Variants in TMTC2 observed in about 807,000 individuals in gnomAD.
TMTC2 encodes transmembrane O-mannosyltransferase targeting cadherins 2.
Under a neutral mutation model 82.4 loss-of-function variants are expected in TMTC2, and 43 were observed. That is an observed-to-expected ratio of 0.52 (90% confidence interval 0.41 to 0.67). TMTC2 has a LOEUF of 0.67. Ranked by LOEUF, TMTC2 falls within the 30% of genes least tolerant of loss-of-function variation. The probability of loss-of-function intolerance (pLI) is 0.00; values close to 1 mark genes in which losing one functional copy is unlikely to be tolerated. For synonymous variants in TMTC2, 408 were observed against 381.9 expected (o/e 1.07, Z -0.80); for missense variants, 919 against 1,012.4 (o/e 0.91, Z 1.25).
intron 8 of TMTC2, among the ~76,000 whole-genome samples, chr12:83,004,260 A>G (rs887947943): frequency 3.3e-5 from 5 of 152,138 alleles, no homozygotes; most frequent in African/African-American, 1.2e-4. Context: ...TGGCTATTGC[A>G]TCTTTCAATT....
chr12:82,727,173 G>T (rs1199334788), intron 1 of TMTC2, among the ~76,000 whole-genome samples: 1 of 151,100 alleles, frequency 6.6e-6, no homozygotes, highest in Non-Finnish European at 1.5e-5. Context: ...AAATAGAAAA[G>T]AAGAATAATT....
intron 3 of TMTC2, among the ~76,000 whole-genome samples, chr12:82,907,509 T>C (rs1486762532): frequency 6.6e-6 from 1 of 151,764 alleles, no homozygotes; most frequent in East Asian, 1.9e-4. Context: ...ACAGAAATGT[T>C]TTCCTGTTGT....
At chr12:82,876,024 G>T (rs1872474215) in intron 2 of TMTC2, among the ~76,000 whole-genome samples, 1 of 110,790 alleles carries the variant, frequency 9.0e-6, no homozygotes, top group Non-Finnish European at 1.8e-5. Context: ...GGTAGTAGTG[G>T]TGGCGGTGGT....
chr12:82,993,200 G>T (rs140868864), intron 8 of TMTC2, among the ~76,000 whole-genome samples: 1,633 of 152,176 alleles, frequency 0.011, 18 homozygotes, highest in Middle Eastern at 0.034. Context: ...GCCCAGGCTG[G>T]TCTCGAACTC....
Position 83,064,252 on chromosome 12 carries a change from A to G in TMTC2, c.2331+2421A>G, listed in dbSNP as rs144040614. 8.0e-3 allele frequency among the ~76,000 whole-genome samples: 1,211 copies of G among 151,998 alleles called. 7 individuals are homozygous for G. The highest frequency in any genetic ancestry group is 0.012 in the Admixed American group (176 of 15,214). On this transcript the variant is annotated intron_variant, in intron 11 of 11. Transcript: ENST00000321196. ...AAAAAATGAAAGACACTTGGATACT[A>G]CAAGACTTGAGTCTGATTTGTGAAA...
chr12:82,802,101 G>T (rs575555652), intron 1 of TMTC2, among the ~76,000 whole-genome samples: 48 of 152,212 alleles, frequency 3.2e-4, no homozygotes, highest in African/African-American at 1.0e-3. Context: ...TGGCGTTCGT[G>T]GGGGAGGCTC....
chr12:82,709,214 A>G (rs1230451369), intron 1 of TMTC2, among the ~76,000 whole-genome samples: 1 of 152,126 alleles, frequency 6.6e-6, no homozygotes, highest in African/African-American at 2.4e-5. Flanking sequence ...CTCAGGTAGG[A>G]AAGTCAGTGT....
chr12:82,731,600 T>C (rs992381917), intron 1 of TMTC2, among the ~76,000 whole-genome samples: 2 of 152,232 alleles, frequency 1.3e-5, no homozygotes, highest in African/African-American at 4.8e-5. Flanking sequence ...AGTTTACTTA[T>C]CAATTTATTG....
chr12:83,104,034 A>G (rs1884317125), intron 11 of TMTC2, among the ~76,000 whole-genome samples: 1 of 152,250 alleles, frequency 6.6e-6, no homozygotes. Flanking sequence ...CAGGGCAGTG[A>G]TCAAATCTTA....
intron 1 of TMTC2, among the ~76,000 whole-genome samples, chr12:82,776,154 C>T (rs921122172): frequency 1.3e-5 from 2 of 152,084 alleles, no homozygotes; most frequent in Admixed American, 6.5e-5. Flanking sequence ...TATCTTAGGA[C>T]TTTCTTGGCT....
chr12:82,840,267 G>A (rs1402400876), intron 1 of TMTC2, among the ~76,000 whole-genome samples: 1 of 152,224 alleles, frequency 6.6e-6, no homozygotes, highest in East Asian at 1.9e-4. Flanking sequence ...GTAAGTCCAA[G>A]AGGAATGATT....
intron 8 of TMTC2, among the ~76,000 whole-genome samples, chr12:82,992,986 T>C (rs1879460744): frequency 6.6e-6 from 1 of 152,090 alleles, no homozygotes; most frequent in Non-Finnish European, 1.5e-5. Flanking sequence ...TTTTTTATTA[T>C]TTATTTATTT....
chr12:82,715,819 G>T (rs1001542724), intron 1 of TMTC2, among the ~76,000 whole-genome samples: 1 of 152,122 alleles, frequency 6.6e-6, no homozygotes, highest in East Asian at 1.9e-4. Context: ...TGGTTTCTGA[G>T]CCCTAACATT....
chr12:83,004,971 GTAAAA>G, intron 8 of TMTC2, among the ~76,000 whole-genome samples: 1 of 150,352 alleles, frequency 6.7e-6, no homozygotes, highest in African/African-American at 2.5e-5. Flanking sequence ...GGCCAACATG[GTAAAA>G]CACTGTCTCT....
chr12:83,037,161 T>C (rs1413081833), intron 9 of TMTC2, among the ~76,000 whole-genome samples: 1 of 152,210 alleles, frequency 6.6e-6, no homozygotes, highest in Non-Finnish European at 1.5e-5. Flanking sequence ...ATATTATTTG[T>C]TTCACTTTTA....
Position 83,030,883 on chromosome 12 carries a change from A to G in TMTC2, c.2152+4A>G. Reference sequence around the variant, plus strand: ...GGAAACTGTTACATGCATTATGGTGAGTGGTTGATAGTTTTTTTTCCATGT... The same window carrying G: ...GGAAACTGTTACATGCATTATGGTGGGTGGTTGATAGTTTTTTTTCCATGT... On this transcript the variant is annotated splice_donor_region_variant and intron_variant, in intron 9 of 11. Transcript: ENST00000321196. 1 of 1,607,022 alleles carries G rather than the reference A, an allele frequency of 6.2e-7. No individual in the cohort carries two copies. The highest frequency in any genetic ancestry group is 8.5e-7 in the Non-Finnish European group (1 of 1,173,854).
chr12:82,799,136 CTT>C (rs1878872875), intron 1 of TMTC2, among the ~76,000 whole-genome samples: 2 of 152,188 alleles, frequency 1.3e-5, no homozygotes, highest in East Asian at 1.9e-4. Context: ...CTACCTATAA[CTT>C]TATGTAGAAT....
At chr12:82,846,503 C>A (rs931638950) in intron 1 of TMTC2, among the ~76,000 whole-genome samples, 5 of 152,176 alleles carry the variant, frequency 3.3e-5, no homozygotes, top group Non-Finnish European at 5.9e-5. Flanking sequence ...CAGCTGGGGC[C>A]ATTTTTAATC....
chr12:82,967,467 T>C (rs917286255), intron 7 of TMTC2, among the ~76,000 whole-genome samples: 3 of 152,120 alleles, frequency 2.0e-5, no homozygotes, highest in African/African-American at 7.2e-5. Context: ...CTATGTTTTA[T>C]GTTGAAAAAT....
Sources: allele counts gnomAD v4.1 joint callset (sites outside exome capture counted in the v4.1 genomes callset), GRCh38; gene constraint gnomAD v4.1.1; transcripts MANE v1.5; gene names NCBI Gene and HGNC (gene_info 2026-07-23, HGNC 2026-07-21).